Variants in TM9SF4 observed in about 807,000 individuals in gnomAD.
TM9SF4 encodes the protein transmembrane 9 superfamily member 4.
In TM9SF4, 26 loss-of-function variants were observed where a neutral mutation model predicts 90.4. The observed-to-expected ratio is 0.29, with a 90% CI of 0.21 to 0.40. The LOEUF is 0.40. Among genes scored for constraint, TM9SF4 ranks in the 10% least tolerant of loss-of-function variants. The probability of loss-of-function intolerance (pLI) is 1.00; values close to 1 mark genes in which losing one functional copy is unlikely to be tolerated. For synonymous variants in TM9SF4, 293 were observed against 315.4 expected, an observed-to-expected ratio of 0.93 and a Z score of 0.75; for missense variants, 549 against 834.8, an observed-to-expected ratio of 0.66 and a Z score of 4.22.
rs368567434 is a variant in TM9SF4 at position 32,143,166 on chromosome 20, G to T, written c.652+61G>T. The T allele has an allele frequency of 5.0e-6, 8 of 1,589,154 alleles. No individual in the cohort carries two copies. The East Asian group carries it at 6.8e-5, about 14-fold the overall frequency. The stretch of plus-strand genomic sequence containing the variant: ...GATGGGCCTGGGCTTCTCCACGCAG[G>T]GTCTTCGCACTCTTCTCCCTCCTGA... On this transcript the variant is annotated intron_variant, in intron 6 of 17. Coordinates refer to ENST00000398022, the MANE Select transcript of TM9SF4 (RefSeq NM_014742.4).
intron 14 of TM9SF4, 85 bp downstream of exon 14, chr20:32,158,054 G>T: frequency 6.5e-7 from 1 of 1,545,366 alleles, no homozygotes; most frequent in South Asian, 1.2e-5. Flanking sequence ...GGCAACCAGA[G>T]TTCCTGCCGC....
At chr20:32,164,251 A>C (rs935736895) in intron 17 of TM9SF4, among the ~76,000 whole-genome samples, 1 of 147,942 alleles carries the variant, frequency 6.8e-6, no homozygotes, top group Non-Finnish European at 1.5e-5. Context: ...GGCTGGGTGC[A>C]TATGGTTCAC....
intron 1 of TM9SF4, among the ~76,000 whole-genome samples, chr20:32,113,633 G>A (rs1288348991): frequency 6.6e-6 from 1 of 152,068 alleles, no homozygotes; most frequent in Non-Finnish European, 1.5e-5. Flanking sequence ...TGTTCATACT[G>A]TTTTGGTTTT....
chr20:32,109,780 G>C (rs905806984), intron 1 of TM9SF4, 25 bp downstream of exon 1: 3 of 1,551,374 alleles, frequency 1.9e-6, no homozygotes, highest in Non-Finnish European at 2.6e-6. Context: ...CTCCGGGAGC[G>C]GGAGCTGGAG....
At chr20:32,145,252 G>A (rs1248512000) in intron 7 of TM9SF4, 43 bp downstream of exon 7, 42 of 1,612,952 alleles carry the variant, frequency 2.6e-5, no homozygotes, top group Middle Eastern at 1.6e-4. Flanking sequence ...GGAGGGCTCT[G>A]GTCTGTGTCA....
At chr20:32,126,396 A>G (rs528136266) in intron 1 of TM9SF4, among the ~76,000 whole-genome samples, 1 of 152,280 alleles carries the variant, frequency 6.6e-6, no homozygotes, top group South Asian at 2.1e-4. Flanking sequence ...AAAAACTCAT[A>G]GTTGCCACCA....
chr20:32,152,528 C>G (rs1367013520), intron 12 of TM9SF4, among the ~76,000 whole-genome samples: 3 of 152,044 alleles, frequency 2.0e-5, no homozygotes, highest in African/African-American at 7.2e-5. Flanking sequence ...CCTCCCACCC[C>G]CATCTCTGCA....
chr20:32,113,767 A>C (rs962713114), intron 1 of TM9SF4, among the ~76,000 whole-genome samples: 1 of 152,222 alleles, frequency 6.6e-6, no homozygotes, highest in Non-Finnish European at 1.5e-5. Flanking sequence ...GGTTATCACC[A>C]TTGTGTAATT....
rs2046379229 is a variant in TM9SF4, at chr20:32,123,877, T to TTTTA, written c.16-9136_16-9135insTTTA. 1.8e-5 allele frequency among the ~76,000 whole-genome samples: 2 copies of TTTTA among 113,936 alleles called. 1 individual carries two copies. Among genetic ancestry groups the TTTTA allele is most frequent in the Non-Finnish European group, 3.7e-5 (2 of 54,172 alleles). The allele number at this position is 113,936 out of a possible 152,430, so 74.7% of individuals were successfully genotyped here. A position where few individuals can be genotyped will look rare whatever the true frequency, so the allele number is the denominator to read the frequency against. ...ATATATATATATATATTTTTTTTTTTAAAGAGATAGGGTCTCCCTCTGTCA... is the reference window on the plus strand; with the variant it reads ...ATATATATATATATATTTTTTTTTTTTTTAAAAGAGATAGGGTCTCCCTCTGTCA... On this transcript the variant is annotated intron_variant, in intron 1 of 17. Coordinates refer to ENST00000398022, the MANE Select transcript of TM9SF4 (RefSeq NM_014742.4).
intron 6 of TM9SF4, among the ~76,000 whole-genome samples, chr20:32,144,567 CA>C (rs2046732616): frequency 6.6e-6 from 1 of 152,212 alleles, no homozygotes; most frequent in Admixed American, 6.5e-5. Context: ...GGCCTCTCTG[CA>C]GCCCCTAAGG....
Position 32,165,304 on chromosome 20 carries a change from G to A in TM9SF4, c.1789G>A (p.Val597Met), listed in dbSNP as rs1296033899. ...IFYFVNKLDI[V>M]EFIPSLLYFG... ...CTGCTCGTGGCCGCAGCTGGACATC[G>A]TGGAGTTCATCCCCTCTCTCCTCTA... The change falls in exon 18 of 18, where the codon GTG becomes ATG. Residue 597 changes from valine (V) to methionine (M), a missense_variant. Coordinates refer to ENST00000398022, the MANE Select transcript of TM9SF4 (RefSeq NM_014742.4). The A allele has an allele frequency of 4.3e-6, 7 of 1,614,182 alleles. No homozygotes were observed. Among genetic ancestry groups the A allele is most frequent in the African/African-American group, 1.3e-5 (1 of 75,038 alleles).
intron 15 of TM9SF4, 29 bp downstream of exon 15, chr20:32,158,543 C>T (rs368289820): frequency 9.4e-5 from 151 of 1,612,600 alleles, no homozygotes; most frequent in Middle Eastern, 3.4e-4. Flanking sequence ...CCCACCCCTC[C>T]ACCCATGCTA....
intron 9 of TM9SF4, among the ~76,000 whole-genome samples, chr20:32,148,236 C>G (rs1227437057): frequency 2.0e-5 from 3 of 152,130 alleles, no homozygotes; most frequent in Non-Finnish European, 4.4e-5. Context: ...CAGGAAGAAC[C>G]CCACAAAATG....
chr20:32,154,516 C>T (rs1461544288), intron 12 of TM9SF4, among the ~76,000 whole-genome samples: 5 of 151,168 alleles, frequency 3.3e-5, no homozygotes, highest in East Asian at 2.0e-4. Context: ...TGCAGTGGCA[C>T]GATCTCTGCT....
intron 17 of TM9SF4, among the ~76,000 whole-genome samples, 151 bp from the exon 18 acceptor site, chr20:32,165,131 GCTGTGCCCATGAA>G (rs2047081496): frequency 6.6e-6 from 1 of 152,200 alleles, no homozygotes; most frequent in African/African-American, 2.4e-5. Context: ...ATGAAGCAGA[GCTGTGCCCATGAA>G]CCCTGCCTGC....
chr20:32,121,319 C>G (rs890043568), intron 1 of TM9SF4, among the ~76,000 whole-genome samples: 1 of 150,982 alleles, frequency 6.6e-6, no homozygotes, highest in African/African-American at 2.4e-5. Context: ...GAACAAAGGT[C>G]TCTGGTTTTC....
intron 14 of TM9SF4, 102 bp downstream of exon 14, chr20:32,158,071 C>T (rs531819586): frequency 2.7e-5 from 40 of 1,478,600 alleles, no homozygotes; most frequent in African/African-American, 2.2e-4. Context: ...CCGCTTCAGC[C>T]GGCTCTAATA....
intron 8 of TM9SF4, among the ~76,000 whole-genome samples, chr20:32,145,659 A>C (rs555952836): frequency 7.1e-4 from 108 of 152,322 alleles, no homozygotes; most frequent in Non-Finnish European, 1.4e-3. Flanking sequence ...GCCTGCACAC[A>C]TTCTTGATTC....
intron 2 of TM9SF4, among the ~76,000 whole-genome samples, chr20:32,133,514 C>T (rs1050618418): frequency 1.3e-5 from 2 of 152,186 alleles, no homozygotes; most frequent in Non-Finnish European, 2.9e-5. Flanking sequence ...GCTTTGTCAG[C>T]ATAACTCCTA....
Sources: gnomAD v4.1 joint callset for allele counts (sites outside exome capture counted in the v4.1 genomes callset) on GRCh38, gnomAD v4.1.1 for gene constraint, MANE v1.5 for transcripts, NCBI Gene and HGNC (gene_info 2026-07-23, HGNC 2026-07-21) for gene names.